The following IL1RAPL1 variants were observed in gnomAD, a reference collection of about 807,000 sequenced individuals.
IL1RAPL1 encodes the protein interleukin 1 receptor accessory protein like 1.
In IL1RAPL1, 3 loss-of-function variants were observed where a neutral mutation model predicts 48.4. That is an observed-to-expected ratio of 0.06 (90% CI 0.03 to 0.16). The LOEUF is 0.16. Ranked by LOEUF, IL1RAPL1 falls within the 10% of genes least tolerant of loss-of-function variation. IL1RAPL1 has a pLI of 1.00. For missense variants in IL1RAPL1, 349 were observed against 530.6 expected (o/e 0.66, Z 3.36); for synonymous variants, 185 against 187.7 (o/e 0.99, Z 0.12).
chrX:29,855,357 C>T (rs959303743), intron 6 of IL1RAPL1, among the ~76,000 whole-genome samples: 4 of 112,096 alleles, frequency 3.6e-5, no homozygotes, highest in African/African-American at 6.5e-5. Flanking sequence ...TATGCGCATG[C>T]GTGCACACAG....
intron 2 of IL1RAPL1, among the ~76,000 whole-genome samples, chrX:28,940,124 G>A (rs1459748450): frequency 1.8e-5 from 2 of 111,206 alleles, no homozygotes; most frequent in African/African-American, 6.5e-5. Flanking sequence ...AGATAAATAA[G>A]CTATCCAAAT....
chrX:29,585,099 T>C (rs771883715), intron 5 of IL1RAPL1, among the ~76,000 whole-genome samples: 2 of 112,327 alleles, frequency 1.8e-5, no homozygotes, highest in Admixed American at 9.5e-5. Context: ...AACTTTTGAA[T>C]GTACAATACA....
At chrX:29,105,612 C>T (rs1369964899) in intron 2 of IL1RAPL1, among the ~76,000 whole-genome samples, 1 of 111,970 alleles carries the variant, frequency 8.9e-6, no homozygotes, top group Non-Finnish European at 1.9e-5. Context: ...TTTTGTTGCC[C>T]TGTTTTGCAG....
chrX:29,916,617 A>C (rs1569202546), intron 6 of IL1RAPL1, among the ~76,000 whole-genome samples: 1 of 112,025 alleles, frequency 8.9e-6, no homozygotes, highest in East Asian at 2.8e-4. Flanking sequence ...TATCTACTGG[A>C]ATATGTCAGT....
chrX:29,133,382 G>A (rs1209168945), intron 2 of IL1RAPL1, among the ~76,000 whole-genome samples: 2 of 112,263 alleles, frequency 1.8e-5, no homozygotes, highest in Non-Finnish European at 3.8e-5. Flanking sequence ...CTGGCTCAGA[G>A]CATGAAAGAA....
chrX:29,803,765 C>T (rs1930184421), intron 6 of IL1RAPL1, among the ~76,000 whole-genome samples: 1 of 109,126 alleles, frequency 9.2e-6, no homozygotes, highest in African/African-American at 3.3e-5. Flanking sequence ...CCAAAATGTA[C>T]ACTTGCATAA....
chrX:29,291,774 G>A lies in IL1RAPL1; in HGVS notation c.362+8557G>A, dbSNP rs186652539. ...ATCCCTTTTGGTATAAGGTAGTATC[G>A]TTCCTTAAAATGTTGTGAAGCTTCC... is the stretch of plus-strand genomic sequence containing the variant. On this transcript the variant is annotated intron_variant, in intron 3 of 10. Transcript: ENST00000378993. Among the ~76,000 whole-genome samples, 9 of 112,288 alleles carry A rather than the reference G, an allele frequency of 8.0e-5. No individual in the cohort carries two copies. In the East Asian group the frequency reaches 1.7e-3, roughly 21 times the overall value.
chrX:28,763,707 C>A (rs926840084), intron 1 of IL1RAPL1, among the ~76,000 whole-genome samples: 9 of 110,932 alleles, frequency 8.1e-5, no homozygotes, highest in African/African-American at 3.0e-4. Flanking sequence ...CAGTTTTTCT[C>A]AATGTTGGCC....
intron 1 of IL1RAPL1, among the ~76,000 whole-genome samples, chrX:28,740,206 A>G (rs1312505101): frequency 8.9e-6 from 1 of 112,032 alleles, no homozygotes; most frequent in African/African-American, 3.2e-5. Context: ...TAGGTTTAGA[A>G]ATTGTCAACA....
At chrX:29,622,250 C>T (rs1187232532) in intron 5 of IL1RAPL1, among the ~76,000 whole-genome samples, 2 of 111,934 alleles carry the variant, frequency 1.8e-5, no homozygotes, top group African/African-American at 3.2e-5. Flanking sequence ...AAATATTTCT[C>T]ATTCATTGAC....
chrX:29,022,071 T>G (rs772336657), intron 2 of IL1RAPL1, among the ~76,000 whole-genome samples: 1 of 111,815 alleles, frequency 8.9e-6, no homozygotes, highest in Non-Finnish European at 1.9e-5. Flanking sequence ...AGCTCCCGAT[T>G]TTTTCTCCGT....
chrX:28,839,363 T>G (rs1921306905), intron 2 of IL1RAPL1, among the ~76,000 whole-genome samples: 1 of 110,785 alleles, frequency 9.0e-6, no homozygotes, highest in Admixed American at 9.7e-5. Flanking sequence ...ATGTTTTTTC[T>G]TATATTTATA....
intron 2 of IL1RAPL1, among the ~76,000 whole-genome samples, chrX:29,240,760 A>G (rs1931409053): frequency 9.0e-6 from 1 of 111,650 alleles, no homozygotes; most frequent in Admixed American, 9.6e-5. Context: ...TATATGATTT[A>G]TGGAATTTGA....
intron 2 of IL1RAPL1, among the ~76,000 whole-genome samples, chrX:28,869,116 A>G (rs1029301318): frequency 8.9e-6 from 1 of 112,865 alleles, no homozygotes; most frequent in African/African-American, 3.2e-5. Context: ...GATTGGTACT[A>G]CAATGTCCTC....
At chrX:29,363,896 TG>T (rs1455667723) in intron 3 of IL1RAPL1, among the ~76,000 whole-genome samples, 6 of 111,370 alleles carry the variant, frequency 5.4e-5, no homozygotes, top group Non-Finnish European at 9.4e-5. Context: ...GATTATAATG[TG>T]ACATAAGATT....
chrX:29,682,016 C>T (rs1292948373), intron 6 of IL1RAPL1, among the ~76,000 whole-genome samples: 1 of 111,562 alleles, frequency 9.0e-6, no homozygotes, highest in African/African-American at 3.3e-5. Context: ...CTGATTTGAT[C>T]ATTACACATT....
intron 2 of IL1RAPL1, among the ~76,000 whole-genome samples, chrX:28,817,633 C>G (rs748256504): frequency 2.9e-4 from 32 of 110,763 alleles, no homozygotes; most frequent in African/African-American, 9.5e-4. Context: ...ACAAGAATAC[C>G]CAAGCTGGAT....
At chrX:28,758,808 C>T (rs1223196012) in intron 1 of IL1RAPL1, among the ~76,000 whole-genome samples, 2 of 111,950 alleles carry the variant, frequency 1.8e-5, no homozygotes, top group East Asian at 5.6e-4. Context: ...ATTTTGGAGG[C>T]ACCCACCAAA....
At chrX:29,908,946 A>T (rs1016326132) in intron 6 of IL1RAPL1, among the ~76,000 whole-genome samples, 2 of 112,076 alleles carry the variant, frequency 1.8e-5, no homozygotes, top group Non-Finnish European at 3.8e-5. Context: ...AAACAGTTGT[A>T]CACATTTTAT....
Sources: gnomAD v4.1 joint callset for allele counts (sites outside exome capture counted in the v4.1 genomes callset) on GRCh38, gnomAD v4.1.1 for gene constraint, MANE v1.5 for transcripts, NCBI Gene and HGNC (gene_info 2026-07-23, HGNC 2026-07-21) for gene names.